The following TRPM5 variants were observed in gnomAD, a reference collection of about 807,000 sequenced individuals.
TRPM5 encodes transient receptor potential cation channel subfamily M member 5.
TRPM5 carries 121 observed loss-of-function variants against 124.9 expected under a neutral mutation model. The ratio of observed to expected loss-of-function variants is 0.97; its 90% CI spans 0.84 to 1.13. TRPM5 has a LOEUF of 1.13. Ranked by LOEUF, TRPM5 falls within the 50% of genes most tolerant of loss-of-function variation. The probability of loss-of-function intolerance (pLI) is 0.00; values close to 1 mark genes in which losing one functional copy is unlikely to be tolerated. For synonymous variants in TRPM5, 781 were observed against 700.5 expected, an observed-to-expected ratio of 1.11 and a Z score of -1.81; for missense variants, 1,643 against 1,589.1, an observed-to-expected ratio of 1.03 and a Z score of -0.58.
At chr11:2,408,920 G>T (rs1474260671) in intron 18 of TRPM5, among the ~76,000 whole-genome samples, 3 of 152,208 alleles carry the variant, frequency 2.0e-5, no homozygotes, top group Non-Finnish European at 4.4e-5. Flanking sequence ...ACATGCTCAT[G>T]TGTGAGTCTG....
At chr11:2,432,050 C>G in the TRPM5 span, among the ~76,000 whole-genome samples, 1 of 152,202 alleles carries the variant, frequency 6.6e-6, no homozygotes, top group Non-Finnish European at 1.5e-5. Flanking sequence ...CTAGGGGAGG[C>G]TGCATTTTTG....
the TRPM5 span, among the ~76,000 whole-genome samples, chr11:2,440,530 C>T: frequency 6.6e-6 from 1 of 152,124 alleles, no homozygotes; most frequent in Non-Finnish European, 1.5e-5. The surrounding 1 kb of genome is among the most constrained non-coding windows in gnomAD (Gnocchi z 5.2). Context: ...GAGTCCTCCT[C>T]CAACAGCAAA....
chr11:2,437,385 C>T, the TRPM5 span, among the ~76,000 whole-genome samples: 1 of 152,130 alleles, frequency 6.6e-6, no homozygotes, highest in Non-Finnish European at 1.5e-5. This position sits in a 1 kb window ranked among gnomAD's most constrained non-coding sequence, Gnocchi z 5.6. Flanking sequence ...CTTCAGTGTG[C>T]ATGTGGACCT....
At chr11:2,442,764 T>A in the TRPM5 span, among the ~76,000 whole-genome samples, 1 of 152,218 alleles carries the variant, frequency 6.6e-6, no homozygotes, top group Admixed American at 6.5e-5. The surrounding 1 kb of genome is among the most constrained non-coding windows in gnomAD (Gnocchi z 5.9). Flanking sequence ...GCCAATCTGA[T>A]AAGCAAGCAG....
At chr11:2,443,926 C>G in the TRPM5 span, among the ~76,000 whole-genome samples, 1 of 152,084 alleles carries the variant, frequency 6.6e-6, no homozygotes, top group Non-Finnish European at 1.5e-5. The surrounding 1 kb of genome is among the most constrained non-coding windows in gnomAD (Gnocchi z 5.0). Context: ...AACCCACCCC[C>G]ACCCAGGGGA....
chr11:2,415,015 C>T (rs754249176), exon 10 of TRPM5: 1 of 1,604,448 alleles, frequency 6.2e-7, no homozygotes. Context: ...GCAGCCACTT[C>T]TGGCCCGTGG....
intron 19 of TRPM5, 83 bp downstream of exon 24, chr11:2,407,676 G>T (rs1025798238): frequency 5.4e-5 from 83 of 1,534,684 alleles, no homozygotes; most frequent in Non-Finnish European, 7.1e-5. Flanking sequence ...CACCAGGTGG[G>T]TTGCAAAGGA....
chr11:2,414,107 G>C, exon 12 of TRPM5: 1 of 1,598,256 alleles, frequency 6.3e-7, no homozygotes, highest in Non-Finnish European at 8.5e-7. Context: ...AGCCTCGGTG[G>C]CCAGGTGCAG....
At chr11:2,422,276 G>C (rs763336359) in exon 2 of TRPM5, 2 of 1,612,452 alleles carry the variant, frequency 1.2e-6, no homozygotes, top group Admixed American at 1.7e-5. Context: ...GCAAGCAGCA[G>C]GTCAAAGAGC....
chr11:2,433,183 C>T, the TRPM5 span, among the ~76,000 whole-genome samples: 2 of 152,252 alleles, frequency 1.3e-5, no homozygotes, highest in African/African-American at 2.4e-5. Context: ...AGGTAGAGGC[C>T]GTAGGGGCCA....
chr11:2,436,777 G>A, the TRPM5 span, among the ~76,000 whole-genome samples: 1 of 152,264 alleles, frequency 6.6e-6, no homozygotes, highest in African/African-American at 2.4e-5. Flanking sequence ...ATTTCCGCCA[G>A]ATGGGCTGGG....
intron 10 of TRPM5, 34 bp downstream of exon 15, chr11:2,414,873 C>G: frequency 6.3e-7 from 1 of 1,593,278 alleles, no homozygotes; most frequent in South Asian, 1.1e-5. Context: ...CGCCCCTCCC[C>G]TGCCCCCGCG....
At chr11:2,412,184 T>C (rs1202655812) in exon 16 of TRPM5, 2 of 1,613,622 alleles carry the variant, frequency 1.2e-6, no homozygotes, top group Non-Finnish European at 1.7e-6. Context: ...ATGTCACACT[T>C]GTTCCAGTTG....
chr11:2,430,734 A>ACGGTGGTTTTGGTGG, the TRPM5 span, among the ~76,000 whole-genome samples: 3 of 77,158 alleles, frequency 3.9e-5, no homozygotes, highest in Admixed American at 2.4e-4. Flanking sequence ...GGTGGCGGTG[A>ACGGTGGTTTTGGTGG]TGGTGATGGT....
chr11:2,418,522 C>T lies in TRPM5; in HGVS notation c.714+5G>A, dbSNP rs1053233529. 5 of 1,609,756 alleles carry T rather than the reference C, an allele frequency of 3.1e-6. No homozygotes were observed. The highest frequency in any genetic ancestry group is 4.2e-6 in the Non-Finnish European group (5 of 1,178,804). ...CCAGCCAGGGGGCCTCAGCCAGGCC[C>T]CTACCTCCAAGGTGTTGGGATCACC... On this transcript the variant is annotated splice_donor_5th_base_variant and intron_variant, in intron 5 of 23. Coordinates refer to ENST00000155858, the Ensembl canonical transcript of TRPM5.
the TRPM5 span, among the ~76,000 whole-genome samples, chr11:2,442,976 G>A: frequency 2.6e-5 from 4 of 152,112 alleles, no homozygotes; most frequent in East Asian, 5.8e-4. This position sits in a 1 kb window ranked among gnomAD's most constrained non-coding sequence, Gnocchi z 5.9. Flanking sequence ...CTTTGTGATC[G>A]AAACTGCAAA....
At chr11:2,412,045 G>A in intron 16 of TRPM5, 90 bp downstream of exon 21, 1 of 1,173,060 alleles carries the variant, frequency 8.5e-7, no homozygotes, top group Non-Finnish European at 1.3e-6. Context: ...GGGACCACAA[G>A]TGCCACCGCC....
chr11:2,434,813 C>A, the TRPM5 span, among the ~76,000 whole-genome samples: 1 of 152,092 alleles, frequency 6.6e-6, no homozygotes, highest in Admixed American at 6.5e-5. Context: ...CCAGGAGGAC[C>A]ACAGCCTGGC....
At chr11:2,417,882 G>C in intron 6 of TRPM5, 53 bp from the exon 12 acceptor site, 1 of 1,496,842 alleles carries the variant, frequency 6.7e-7, no homozygotes, top group South Asian at 1.2e-5. Context: ...GACGGGGGCA[G>C]AGGCAGGCCG....
Sources: allele counts gnomAD v4.1 joint callset (sites outside exome capture counted in the v4.1 genomes callset), GRCh38; gene constraint gnomAD v4.1.1; non-coding constraint Gnocchi (gnomAD v3.1); transcripts MANE v1.5; gene names NCBI Gene and HGNC (gene_info 2026-07-23, HGNC 2026-07-21).